PRR16: variants seen among roughly 807,000 people sequenced by gnomAD.
PRR16 encodes protein Largen.
In PRR16, 6 loss-of-function variants were observed where a neutral mutation model predicts 18.2. That is an observed-to-expected ratio of 0.33 (90% CI 0.18 to 0.65). The LOEUF (loss-of-function observed/expected upper bound fraction) is 0.65. Among genes scored for constraint, PRR16 ranks in the 30% least tolerant of loss-of-function variants. The pLI, the probability that PRR16 is intolerant of heterozygous loss-of-function variation, is 0.74. For missense variants in PRR16, 412 were observed against 376.6 expected (o/e 1.09, Z -0.78); for synonymous variants, 151 against 147.8 (o/e 1.02, Z -0.16).
chr5:120,596,824 A>T (rs1346572568), intron 1 of PRR16, among the ~76,000 whole-genome samples: 5 of 151,752 alleles, frequency 3.3e-5, no homozygotes, highest in Non-Finnish European at 7.4e-5. Flanking sequence ...GCATAATTTT[A>T]AAATTCTGTC....
chr5:120,702,847 G>C, the PRR16 span, among the ~76,000 whole-genome samples: 1 of 152,150 alleles, frequency 6.6e-6, no homozygotes, highest in Non-Finnish European at 1.5e-5. Flanking sequence ...CCTTGGGCTG[G>C]TCGGTCTGAG....
chr5:120,695,461 G>C, the PRR16 span, among the ~76,000 whole-genome samples: 1 of 151,678 alleles, frequency 6.6e-6, no homozygotes, highest in Non-Finnish European at 1.5e-5. Flanking sequence ...GTCTTCCTTT[G>C]TAAAGTCATT....
At chr5:120,597,496 T>G (rs953094350) in intron 1 of PRR16, among the ~76,000 whole-genome samples, 1 of 151,766 alleles carries the variant, frequency 6.6e-6, no homozygotes, top group African/African-American at 2.4e-5. Flanking sequence ...CAGATTTATT[T>G]TGGAATGTCA....
At chr5:120,714,122 G>C in the PRR16 span, among the ~76,000 whole-genome samples, 2 of 151,648 alleles carry the variant, frequency 1.3e-5, no homozygotes, top group East Asian at 3.9e-4. Context: ...TTTATAATAT[G>C]ATATTAAATC....
chr5:120,692,904 T>G, the PRR16 span, among the ~76,000 whole-genome samples: 1 of 152,286 alleles, frequency 6.6e-6, no homozygotes, highest in East Asian at 1.9e-4. Flanking sequence ...CAACAGGCAT[T>G]TTTAATTTAA....
chr5:120,602,877 C>T (rs1056353332), intron 1 of PRR16, among the ~76,000 whole-genome samples: 1 of 151,986 alleles, frequency 6.6e-6, no homozygotes, highest in Admixed American at 6.6e-5. Context: ...TACTGATTTT[C>T]GTGTTTCAAA....
intron 1 of PRR16, among the ~76,000 whole-genome samples, chr5:120,496,198 T>C (rs932947776): frequency 3.9e-5 from 6 of 152,024 alleles, no homozygotes; most frequent in South Asian, 2.1e-4. Context: ...GTAAAAACAA[T>C]TGATAAGGAT....
Position 120,637,317 on chromosome 5 carries a change from G to GAAAAAAAAAA in PRR16, c.160-48620_160-48611dup, listed in dbSNP as rs372136712. Reference sequence around the variant, plus strand: ...CCGGAGGAAAGTAAGCCATTATACGGAAAAAAAAAAAAAAAAAAAAAAAAA... The same window carrying GAAAAAAAAAA: ...CCGGAGGAAAGTAAGCCATTATACGGAAAAAAAAAAAAAAAAAAAAAAAAAAAAAAAAAAA... On this transcript the variant is annotated intron_variant, in intron 1 of 1. Coordinates refer to ENST00000407149, the MANE Select transcript of PRR16 (RefSeq NM_001300783.2). 4.8e-5 allele frequency among the ~76,000 whole-genome samples: 3 copies of GAAAAAAAAAA among 62,636 alleles called. 1 individual carries two copies. The highest frequency in any genetic ancestry group is 8.1e-5 in the Non-Finnish European group (3 of 36,984). The allele number at this position is 62,636 out of a possible 152,430, so 41.1% of individuals were successfully genotyped here.
At chr5:120,633,637 T>C (rs1755131680) in intron 1 of PRR16, among the ~76,000 whole-genome samples, 1 of 152,138 alleles carries the variant, frequency 6.6e-6, no homozygotes, top group Non-Finnish European at 1.5e-5. Flanking sequence ...AGGGACATTA[T>C]ATAATGATAA....
At chr5:120,772,452 TG>T in the PRR16 span, among the ~76,000 whole-genome samples, 1 of 152,122 alleles carries the variant, frequency 6.6e-6, no homozygotes, top group Non-Finnish European at 1.5e-5. Flanking sequence ...AATGTGATTG[TG>T]GCCATCAGTA....
chr5:120,709,240 C>T, the PRR16 span, among the ~76,000 whole-genome samples: 35 of 151,970 alleles, frequency 2.3e-4, 1 homozygote, highest in South Asian at 6.9e-3. Context: ...ATCTCCTGAC[C>T]TCGTGATCTG....
intron 1 of PRR16, among the ~76,000 whole-genome samples, chr5:120,623,167 A>G (rs938335538): frequency 2.6e-5 from 4 of 152,180 alleles, no homozygotes; most frequent in Non-Finnish European, 5.9e-5. Flanking sequence ...AGAAAATGTT[A>G]TAGTCATTAG....
At chr5:120,571,861 A>G (rs911423226) in intron 1 of PRR16, among the ~76,000 whole-genome samples, 2 of 152,126 alleles carry the variant, frequency 1.3e-5, no homozygotes, top group African/African-American at 4.8e-5. Flanking sequence ...TACTCAGCTG[A>G]TGGCTTGTCT....
chr5:120,509,394 A>G (rs1157682292), intron 1 of PRR16, among the ~76,000 whole-genome samples: 3 of 152,100 alleles, frequency 2.0e-5, no homozygotes, highest in African/African-American at 7.2e-5. Context: ...AGGATGGCCA[A>G]TCCTTTGGGG....
At chr5:120,623,003 A>G (rs902840629) in intron 1 of PRR16, among the ~76,000 whole-genome samples, 2 of 152,144 alleles carry the variant, frequency 1.3e-5, no homozygotes, top group Non-Finnish European at 2.9e-5. Flanking sequence ...ATTAGGGATT[A>G]ATTTATGAAT....
chr5:120,610,739 T>C (rs575297093), intron 1 of PRR16, among the ~76,000 whole-genome samples: 1 of 152,328 alleles, frequency 6.6e-6, no homozygotes, highest in East Asian at 1.9e-4. Context: ...CCTTTTTTTC[T>C]TCCCAGTGTT....
At chr5:120,554,016 C>G (rs1418844024) in intron 1 of PRR16, among the ~76,000 whole-genome samples, 1 of 151,748 alleles carries the variant, frequency 6.6e-6, no homozygotes, top group Non-Finnish European at 1.5e-5. Context: ...TAGTTAAATC[C>G]ATGGAATGAA....
At chr5:120,701,921 C>A in the PRR16 span, among the ~76,000 whole-genome samples, 3 of 152,094 alleles carry the variant, frequency 2.0e-5, no homozygotes, top group Admixed American at 1.3e-4. Flanking sequence ...CTATTTGGAA[C>A]GACTGTCGAA....
the PRR16 span, among the ~76,000 whole-genome samples, chr5:120,725,182 G>C: frequency 6.6e-6 from 1 of 151,998 alleles, no homozygotes; most frequent in African/African-American, 2.4e-5. Flanking sequence ...CTTGGAGGCT[G>C]AAGCAGAGTG....
Sources: allele counts gnomAD v4.1 joint callset (sites outside exome capture counted in the v4.1 genomes callset), GRCh38; gene constraint gnomAD v4.1.1; transcripts MANE v1.5; gene names NCBI Gene and HGNC (gene_info 2026-07-23, HGNC 2026-07-21).